EXT1: variants seen among roughly 807,000 people sequenced by gnomAD.
EXT1 encodes the protein exostosin glycosyltransferase 1.
Under a neutral mutation model 82.5 loss-of-function variants are expected in EXT1, and 20 were observed. The ratio of observed to expected loss-of-function variants is 0.24; its 90% CI spans 0.17 to 0.35. The LOEUF is 0.35. Among genes scored for constraint, EXT1 ranks in the 10% least tolerant of loss-of-function variants. The pLI is 1.00. For synonymous variants in EXT1, 348 were observed against 350.8 expected, an observed-to-expected ratio of 0.99 and a Z score of 0.09; for missense variants, 757 against 936.5, an observed-to-expected ratio of 0.81 and a Z score of 2.50.
chr8:117,869,272 A>G (rs1211596838), intron 1 of EXT1, among the ~76,000 whole-genome samples: 2 of 152,238 alleles, frequency 1.3e-5, no homozygotes, highest in East Asian at 3.8e-4. Context: ...CTGGAACAGA[A>G]GTTCCAATAG....
intron 1 of EXT1, among the ~76,000 whole-genome samples, chr8:117,961,065 G>A (rs1814689055): frequency 1.3e-5 from 2 of 152,140 alleles, no homozygotes; most frequent in Non-Finnish European, 1.5e-5. Flanking sequence ...TGGCATTGAG[G>A]AAACTCCAAC....
At chr8:118,031,055 C>T (rs1266511358) in intron 1 of EXT1, among the ~76,000 whole-genome samples, 1 of 152,082 alleles carries the variant, frequency 6.6e-6, no homozygotes, top group Non-Finnish European at 1.5e-5. Context: ...CATGTGTACC[C>T]TAGTTGAGAG....
intron 1 of EXT1, among the ~76,000 whole-genome samples, chr8:118,046,732 T>G (rs1479160590): frequency 1.3e-5 from 2 of 152,024 alleles, no homozygotes; most frequent in African/African-American, 4.8e-5. Context: ...TCTGTAAACC[T>G]CCCCAAATAC....
intron 1 of EXT1, among the ~76,000 whole-genome samples, chr8:117,882,384 G>A (rs886736842): frequency 1.3e-5 from 2 of 152,112 alleles, no homozygotes; most frequent in Non-Finnish European, 2.9e-5. Flanking sequence ...CGTCCAGCTC[G>A]TTTAGTTAAC....
At chr8:118,101,212 GGAAACT>G (rs1188910547) in intron 1 of EXT1, among the ~76,000 whole-genome samples, 11 of 152,132 alleles carry the variant, frequency 7.2e-5, no homozygotes, top group African/African-American at 2.4e-4. Context: ...TTCCAGATGT[GGAAACT>G]GAGGCTGAGA....
chr8:118,036,067 TCA>T (rs1157294415), intron 1 of EXT1, among the ~76,000 whole-genome samples: 1 of 150,142 alleles, frequency 6.7e-6, no homozygotes, highest in Non-Finnish European at 1.5e-5. Context: ...TCTCTGTATC[TCA>T]GTCTTTTTTT....
chr8:117,918,381 CAGTAACAACCATGCTGCACAGAT>C (rs1343461565), intron 1 of EXT1, among the ~76,000 whole-genome samples: 1 of 152,202 alleles, frequency 6.6e-6, no homozygotes, highest in African/African-American at 2.4e-5. Context: ...TCAATGTAGA[CAGTAACAACCATGCTGCACAGAT>C]ATCATGAATG....
intron 8 of EXT1, 62 bp downstream of exon 8, chr8:117,812,810 C>T (rs981047371): frequency 4.3e-6 from 6 of 1,400,856 alleles, no homozygotes; most frequent in African/African-American, 4.2e-5. Context: ...GCATTAGCAT[C>T]GTGCAACATG....
intron 1 of EXT1, among the ~76,000 whole-genome samples, chr8:118,064,739 T>C (rs924093596): frequency 1.3e-5 from 2 of 152,204 alleles, no homozygotes; most frequent in Non-Finnish European, 2.9e-5. Context: ...TTCTAGATCC[T>C]TGAAGAATCG....
At chr8:118,015,579 C>G (rs917059645) in intron 1 of EXT1, among the ~76,000 whole-genome samples, 4 of 152,070 alleles carry the variant, frequency 2.6e-5, no homozygotes, top group Non-Finnish European at 5.9e-5. Flanking sequence ...CAAGAGAGTT[C>G]CAGTGTCAAG....
intron 1 of EXT1, among the ~76,000 whole-genome samples, chr8:118,032,107 G>A (rs1373874978): frequency 2.1e-5 from 3 of 143,792 alleles, no homozygotes; most frequent in Non-Finnish European, 4.6e-5. Flanking sequence ...AAAAGTCATC[G>A]CGGTTTTGGC....
intron 1 of EXT1, among the ~76,000 whole-genome samples, chr8:117,948,088 C>CATACTGTAAG: frequency 6.6e-6 from 1 of 152,124 alleles, no homozygotes; most frequent in East Asian, 1.9e-4. Flanking sequence ...TAATTTATAT[C>CATACTGTAAG]CTACCTCTTT....
chr8:117,922,401 C>T (rs1279467423), intron 1 of EXT1, among the ~76,000 whole-genome samples: 1 of 152,158 alleles, frequency 6.6e-6, no homozygotes, highest in East Asian at 1.9e-4. Context: ...AGCCAGAACT[C>T]AAAAGAACAG....
intron 1 of EXT1, among the ~76,000 whole-genome samples, chr8:117,937,745 A>G (rs1013496673): frequency 6.6e-6 from 1 of 152,250 alleles, no homozygotes; most frequent in South Asian, 2.1e-4. Flanking sequence ...ACTACATGCC[A>G]GAGAGAGAGC....
intron 1 of EXT1, among the ~76,000 whole-genome samples, chr8:117,844,900 T>C (rs1243783101): frequency 6.6e-6 from 1 of 152,134 alleles, no homozygotes; most frequent in Non-Finnish European, 1.5e-5. Flanking sequence ...GCCTTGAGCA[T>C]TGCCTGCTGT....
chr8:117,855,905 G>C (rs1812538413), intron 1 of EXT1, among the ~76,000 whole-genome samples: 1 of 152,136 alleles, frequency 6.6e-6, no homozygotes, highest in African/African-American at 2.4e-5. Flanking sequence ...CCCGACCTCA[G>C]GTGATCCACC....
At chr8:118,100,763 G>A (rs1817703058) in intron 1 of EXT1, among the ~76,000 whole-genome samples, 1 of 150,660 alleles carries the variant, frequency 6.6e-6, no homozygotes, top group Non-Finnish European at 1.5e-5. Flanking sequence ...AAAAAAAAAA[G>A]TCAACTGGAA....
intron 1 of EXT1, among the ~76,000 whole-genome samples, chr8:117,860,380 A>C (rs1392657921): frequency 6.6e-6 from 1 of 152,126 alleles, no homozygotes; most frequent in Non-Finnish European, 1.5e-5. Context: ...GGATGAGAGA[A>C]GAAGAAATCT....
At chr8:117,908,876 C>G (rs945002912) in intron 1 of EXT1, among the ~76,000 whole-genome samples, 5 of 151,932 alleles carry the variant, frequency 3.3e-5, no homozygotes, top group East Asian at 1.9e-4. Context: ...ATAATCCGAC[C>G]GTTTTGGGAG....
Sources: allele counts gnomAD v4.1 joint callset (sites outside exome capture counted in the v4.1 genomes callset), GRCh38; gene constraint gnomAD v4.1.1; transcripts MANE v1.5; gene names NCBI Gene and HGNC (gene_info 2026-07-23, HGNC 2026-07-21).